Variants in AXDND1 observed in about 807,000 individuals in gnomAD.
The protein encoded by AXDND1 is axonemal dynein light chain domain-containing protein 1.
Under a neutral mutation model 137.5 loss-of-function variants are expected in AXDND1, and 110 were observed. The ratio of observed to expected loss-of-function variants is 0.80; its 90% CI spans 0.69 to 0.94. The LOEUF is 0.94. Among genes scored for constraint, AXDND1 ranks in the 40% least tolerant of loss-of-function variants. AXDND1 has a pLI of 0.00. For missense variants in AXDND1, 1,191 were observed against 1,169.8 expected (o/e 1.02, Z -0.26); for synonymous variants, 414 against 399.7 (o/e 1.04, Z -0.43).
At chr1:179,437,260 C>T (rs1193372408) in intron 15 of AXDND1, among the ~76,000 whole-genome samples, 1 of 152,006 alleles carries the variant, frequency 6.6e-6, no homozygotes, top group Non-Finnish European at 1.5e-5. Context: ...TTTACAAAGC[C>T]CTCTGTATTT....
intron 20 of AXDND1, among the ~76,000 whole-genome samples, chr1:179,505,113 CT>C (rs11350863): frequency 0.32 from 48,323 of 152,100 alleles, 8,295 homozygotes; most frequent in Middle Eastern, 0.43. Flanking sequence ...GTACATGAAT[CT>C]TTATGACATC....
At chr1:179,540,239 G>A (rs1270126708) in intron 25 of AXDND1, among the ~76,000 whole-genome samples, 1 of 152,058 alleles carries the variant, frequency 6.6e-6, no homozygotes, top group Non-Finnish European at 1.5e-5. Flanking sequence ...TCCCTTGCTG[G>A]TGAGGAGTTG....
intron 25 of AXDND1, among the ~76,000 whole-genome samples, chr1:179,548,259 T>C (rs1211422135): frequency 6.6e-6 from 1 of 152,232 alleles, no homozygotes; most frequent in African/African-American, 2.4e-5. Context: ...GTAATCACCA[T>C]TATTTATTAA....
intron 17 of AXDND1, among the ~76,000 whole-genome samples, chr1:179,479,015 G>C (rs11589032): frequency 6.6e-6 from 1 of 151,374 alleles, no homozygotes; most frequent in South Asian, 2.1e-4. Context: ...CAGGAGAATC[G>C]CTTGAACCTG....
At chr1:179,464,813 C>G (rs1028443318) in intron 16 of AXDND1, among the ~76,000 whole-genome samples, 4 of 152,148 alleles carry the variant, frequency 2.6e-5, no homozygotes, top group Admixed American at 6.5e-5. Flanking sequence ...TTGTTTGTTT[C>G]TTTTTACTCT....
intron 18 of AXDND1, among the ~76,000 whole-genome samples, chr1:179,489,901 C>A (rs1301460899): frequency 2.0e-5 from 3 of 151,858 alleles, no homozygotes; most frequent in African/African-American, 4.8e-5. Context: ...CCCACCACCC[C>A]GCCCGACTAA....
At chr1:179,373,969 T>A (rs1299203223) in intron 4 of AXDND1, among the ~76,000 whole-genome samples, 3 of 151,934 alleles carry the variant, frequency 2.0e-5, no homozygotes, top group East Asian at 3.9e-4. Flanking sequence ...AAACCAAAAT[T>A]GACAAATGGT....
chr1:179,501,007 C>T (rs914798894), intron 20 of AXDND1, among the ~76,000 whole-genome samples: 3 of 152,210 alleles, frequency 2.0e-5, no homozygotes, highest in Non-Finnish European at 4.4e-5. Flanking sequence ...CCTCTCCAGT[C>T]ATATTAGCCA....
At chr1:179,420,450 T>G (rs757157114) in intron 12 of AXDND1, among the ~76,000 whole-genome samples, 1 of 152,160 alleles carries the variant, frequency 6.6e-6, no homozygotes, top group Non-Finnish European at 1.5e-5. Context: ...GGGTAATGCC[T>G]TATGAGTTTG....
At chr1:179,405,886 T>C (rs372707978) in intron 11 of AXDND1, among the ~76,000 whole-genome samples, 1 of 152,094 alleles carries the variant, frequency 6.6e-6, no homozygotes, top group African/African-American at 2.4e-5. Context: ...TGACATTTAT[T>C]ATTTGTTTCT....
At chr1:179,445,229 G>T in intron 16 of AXDND1, 25 bp downstream of exon 16, 2 of 1,351,776 alleles carry the variant, frequency 1.5e-6, no homozygotes, top group East Asian at 2.5e-5. Flanking sequence ...ATAATAATTA[G>T]ATTTCTTGGT....
At chr1:179,474,577 TG>T (rs1664373366) in intron 17 of AXDND1, among the ~76,000 whole-genome samples, 1 of 152,140 alleles carries the variant, frequency 6.6e-6, no homozygotes, top group Admixed American at 6.5e-5. Context: ...AAGAGACTGG[TG>T]GCATTTTGAC....
At chr1:179,551,384 C>T (rs1281805711) in intron 25 of AXDND1, 1 of 1,614,046 alleles carries the variant, frequency 6.2e-7, no homozygotes, top group Non-Finnish European at 8.5e-7. Context: ...AGCAGGGGTG[C>T]CTGACAGAAT....
intron 22 of AXDND1, among the ~76,000 whole-genome samples, chr1:179,526,365 T>C (rs761666352): frequency 2.0e-5 from 3 of 152,192 alleles, no homozygotes; most frequent in Non-Finnish European, 2.9e-5. Flanking sequence ...TCAAGGTTTA[T>C]ATTATTGCCC....
At chr1:179,418,336 CAGA>C (rs1236556715) in intron 12 of AXDND1, among the ~76,000 whole-genome samples, 6 of 152,226 alleles carry the variant, frequency 3.9e-5, no homozygotes, top group Non-Finnish European at 7.3e-5. Flanking sequence ...GATCCCAAGG[CAGA>C]AGAATTTTTC....
chr1:179,430,728 G>A (rs1657244516), intron 14 of AXDND1, 122 bp downstream of exon 14: 4 of 1,099,638 alleles, frequency 3.6e-6, no homozygotes, highest in Middle Eastern at 2.9e-4. Context: ...TTGGGGAGCA[G>A]TCCCTATGAA....
chr1:179,515,770 A>AT (rs1020750441), intron 21 of AXDND1, among the ~76,000 whole-genome samples: 2 of 151,920 alleles, frequency 1.3e-5, no homozygotes, highest in African/African-American at 2.4e-5. Flanking sequence ...ATGAGGGTTC[A>AT]TTTTTTTTAC....
intron 23 of AXDND1, among the ~76,000 whole-genome samples, chr1:179,529,710 C>A (rs1670877549): frequency 6.6e-6 from 1 of 152,106 alleles, no homozygotes; most frequent in African/African-American, 2.4e-5. Context: ...CTCCTGGGTC[C>A]TGGAAAGGCA....
Position 179,525,548 on chromosome 1 carries a change from G to A in AXDND1, c.2610+101G>A, listed in dbSNP as rs968026525. 13 of 1,358,454 alleles carry A rather than the reference G, an allele frequency of 9.6e-6. No homozygotes were observed. The African/African-American group carries it at 1.8e-4, about 19-fold the overall frequency. 84.2% of individuals were successfully genotyped at this position (1,358,454 alleles called of 1,614,324 possible). A position where few individuals can be genotyped will look rare whatever the true frequency, so the allele number is the denominator to read the frequency against. On this transcript the variant is annotated intron_variant, in intron 22 of 25. Coordinates refer to ENST00000367618, the MANE Select transcript of AXDND1 (RefSeq NM_144696.6). ...GTCCTGCCCTGTCACCCAGGTTGGAGTGCTGTGGTATCATCATAGCTCACT... is the reference window on the plus strand; with the variant it reads ...GTCCTGCCCTGTCACCCAGGTTGGAATGCTGTGGTATCATCATAGCTCACT...
Sources: allele counts gnomAD v4.1 joint callset (sites outside exome capture counted in the v4.1 genomes callset), GRCh38; gene constraint gnomAD v4.1.1; transcripts MANE v1.5; gene names NCBI Gene and HGNC (gene_info 2026-07-23, HGNC 2026-07-21).